The following EML4 variants were observed in gnomAD, a reference collection of about 807,000 sequenced individuals.
The protein encoded by EML4 is echinoderm microtubule-associated protein-like 4.
Under a neutral mutation model 129.0 loss-of-function variants are expected in EML4, and 72 were observed. That is an observed-to-expected ratio of 0.56 (90% confidence interval 0.46 to 0.68). EML4 has a LOEUF of 0.68. Among genes scored for constraint, EML4 ranks in the 30% least tolerant of loss-of-function variants. EML4 has a pLI of 0.00. For missense variants in EML4, 1,363 were observed against 1,190.6 expected, an observed-to-expected ratio of 1.14 and a Z score of -2.13; for synonymous variants, 532 against 405.0, an observed-to-expected ratio of 1.31 and a Z score of -3.77.
chr2:42,237,639 C>T (rs1674759550), intron 1 of EML4, among the ~76,000 whole-genome samples: 1 of 152,100 alleles, frequency 6.6e-6, no homozygotes, highest in Admixed American at 6.5e-5. Context: ...CTACTATTGA[C>T]CAGAAGCTTT....
intron 1 of EML4, among the ~76,000 whole-genome samples, chr2:42,244,612 T>C (rs1675265892): frequency 6.6e-6 from 1 of 152,052 alleles, no homozygotes; most frequent in Admixed American, 6.6e-5. Flanking sequence ...TGGTGTTAGG[T>C]GGAGAGAAGG....
chr2:42,222,863 A>G (rs866367252), intron 1 of EML4, among the ~76,000 whole-genome samples: 9 of 152,052 alleles, frequency 5.9e-5, no homozygotes, highest in African/African-American at 7.2e-5. Flanking sequence ...CAATGGTGCA[A>G]TCTCGGCTCA....
intron 6 of EML4, among the ~76,000 whole-genome samples, chr2:42,267,325 T>G (rs1666116441): frequency 6.6e-6 from 1 of 152,236 alleles, no homozygotes; most frequent in South Asian, 2.1e-4. Flanking sequence ...GACTGTAAGT[T>G]GTATAGCTAT....
intron 1 of EML4, among the ~76,000 whole-genome samples, chr2:42,210,555 TAAG>T (rs778162662): frequency 2.6e-5 from 4 of 152,236 alleles, no homozygotes; most frequent in African/African-American, 4.8e-5. Flanking sequence ...AGCCCACACT[TAAG>T]AAGTGGGTGT....
chr2:42,262,433 A>G (rs1352067191), intron 4 of EML4, among the ~76,000 whole-genome samples: 1 of 152,052 alleles, frequency 6.6e-6, no homozygotes, highest in East Asian at 1.9e-4. Flanking sequence ...CAGTCTCTTT[A>G]AGGTTCTGAT....
intron 19 of EML4, among the ~76,000 whole-genome samples, chr2:42,317,899 A>G (rs1029309158): frequency 7.9e-5 from 12 of 152,208 alleles, no homozygotes; most frequent in African/African-American, 2.4e-4. Flanking sequence ...ACAACATCCT[A>G]TATCACTTCT....
At chr2:42,232,594 T>A (rs1372858077) in intron 1 of EML4, among the ~76,000 whole-genome samples, 1 of 152,250 alleles carries the variant, frequency 6.6e-6, no homozygotes, top group African/African-American at 2.4e-5. Context: ...TGTTAATCTT[T>A]CAAGTAACTC....
chr2:42,232,999 G>A (rs574476535), intron 1 of EML4, among the ~76,000 whole-genome samples: 17 of 152,316 alleles, frequency 1.1e-4, no homozygotes, highest in African/African-American at 3.8e-4. Flanking sequence ...TGGGATTACA[G>A]GTGTGAGCCG....
chr2:42,218,915 C>G (rs1217167619), intron 1 of EML4, among the ~76,000 whole-genome samples: 1 of 152,192 alleles, frequency 6.6e-6, no homozygotes, highest in Non-Finnish European at 1.5e-5. Flanking sequence ...CTTCCCATCT[C>G]AGCCTCGCAA....
chr2:42,253,067 G>A (rs6731892), intron 2 of EML4, among the ~76,000 whole-genome samples: 3,460 of 152,206 alleles, frequency 0.023, 120 homozygotes, highest in African/African-American at 0.079. Flanking sequence ...TACAGTTTAG[G>A]CAAGCAGAGG....
chr2:42,188,349 T>C (rs1287074941), intron 1 of EML4, among the ~76,000 whole-genome samples: 1 of 151,874 alleles, frequency 6.6e-6, no homozygotes, highest in Admixed American at 6.6e-5. Flanking sequence ...CCTCGCGGAG[T>C]AGCTGGGACT....
At chr2:42,275,722 A>G (rs1666622314) in intron 6 of EML4, among the ~76,000 whole-genome samples, 1 of 152,094 alleles carries the variant, frequency 6.6e-6, no homozygotes, top group Non-Finnish European at 1.5e-5. Flanking sequence ...TCTTCTCTTC[A>G]CTCCCTCTCA....
At chr2:42,271,381 C>T (rs1287606388) in intron 6 of EML4, among the ~76,000 whole-genome samples, 1 of 151,498 alleles carries the variant, frequency 6.6e-6, no homozygotes, top group African/African-American at 2.4e-5. Context: ...TAAAAGGAGA[C>T]CCAAAAAAGG....
intron 14 of EML4, 47 bp downstream of exon 14, chr2:42,301,439 G>A (rs1268297492): frequency 7.0e-7 from 1 of 1,420,660 alleles, no homozygotes; most frequent in South Asian, 1.4e-5. Flanking sequence ...TCTAAACTCA[G>A]GTATTTTGTC....
intron 6 of EML4, among the ~76,000 whole-genome samples, chr2:42,273,927 T>A (rs1666512529): frequency 6.6e-6 from 1 of 152,200 alleles, no homozygotes; most frequent in Non-Finnish European, 1.5e-5. Context: ...AATACTGAAT[T>A]ATAACCAGAA....
intron 18 of EML4, 22 bp from the exon 19 acceptor site, chr2:42,317,405 A>T: frequency 6.9e-7 from 1 of 1,451,610 alleles, no homozygotes; most frequent in South Asian, 1.2e-5. Flanking sequence ...TCTCTAGTCA[A>T]CACTGACCTA....
chr2:42,316,149 C>CT, intron 18 of EML4, 99 bp downstream of exon 18: 1 of 760,044 alleles, frequency 1.3e-6, no homozygotes, highest in Non-Finnish European at 2.2e-6. Context: ...TTTTTTCTCT[C>CT]TTTAGAGTTG....
Position 42,278,818 on chromosome 2 carries a change from C to G in EML4, c.668-2032C>G, listed in dbSNP as rs529899592. Among the ~76,000 whole-genome samples the G allele has an allele frequency of 2.8e-3, 423 of 152,106 alleles. 4 individuals carry two copies. Among genetic ancestry groups the G allele is most frequent in the African/African-American group, 9.2e-3 (381 of 41,488 alleles). On this transcript the variant is annotated intron_variant, in intron 6 of 22. Transcript: ENST00000318522. ...AGGCATGGTGGCACATGCCTATAAT[C>G]CCAGCTACTCGGGAGGCTGAGGCAG...
intron 1 of EML4, among the ~76,000 whole-genome samples, chr2:42,242,755 T>C (rs1356188423): frequency 1.3e-5 from 2 of 151,896 alleles, no homozygotes. Flanking sequence ...GTCTCTTCTT[T>C]TTTTCTCTTT....
Sources: allele counts gnomAD v4.1 joint callset (sites outside exome capture counted in the v4.1 genomes callset), GRCh38; gene constraint gnomAD v4.1.1; transcripts MANE v1.5; gene names NCBI Gene and HGNC (gene_info 2026-07-23, HGNC 2026-07-21).